The following ATP2B4 variants were observed in gnomAD, a reference collection of about 807,000 sequenced individuals.
The protein encoded by ATP2B4 is ATPase plasma membrane Ca2+ transporting 4, also known as plasma membrane calcium-transporting ATPase 4.
A neutral mutation model predicts 110.3 loss-of-function variants in ATP2B4; 39 were observed. The observed-to-expected ratio is 0.35, with a 90% CI of 0.27 to 0.46. The LOEUF (loss-of-function observed/expected upper bound fraction) is 0.46. Ranked by LOEUF, ATP2B4 falls within the 20% of genes least tolerant of loss-of-function variation. ATP2B4 has a pLI of 1.00. For synonymous variants in ATP2B4, 538 were observed against 571.7 expected (o/e 0.94, Z 0.84); for missense variants, 1,135 against 1,530.9 (o/e 0.74, Z 4.32).
intron 15 of ATP2B4, among the ~76,000 whole-genome samples, chr1:203,717,626 T>TTTTATTTATTTATTTATTTATTTATTTA (rs113515512): frequency 1.4e-5 from 2 of 144,226 alleles, no homozygotes; most frequent in Admixed American, 7.1e-5. Flanking sequence ...ATGGTATTTA[T>TTTTATTTATTTATTTATTTATTTATTTA]TTTATTTATT....
intron 1 of ATP2B4, among the ~76,000 whole-genome samples, chr1:203,661,043 G>A (rs1054230064): frequency 1.3e-5 from 2 of 151,966 alleles, no homozygotes; most frequent in African/African-American, 4.8e-5. Flanking sequence ...CCAGGAAGCA[G>A]AGGTTACAGT....
intron 2 of ATP2B4, among the ~76,000 whole-genome samples, chr1:203,695,905 C>A (rs752969443): frequency 1.3e-5 from 2 of 152,130 alleles, no homozygotes; most frequent in Non-Finnish European, 2.9e-5. Context: ...TAACCCAAAT[C>A]TCTCCTTTTG....
At chr1:203,671,929 C>T (rs1664674714) in intron 1 of ATP2B4, among the ~76,000 whole-genome samples, 1 of 152,268 alleles carries the variant, frequency 6.6e-6, no homozygotes, top group African/African-American at 2.4e-5. Flanking sequence ...CACTGCTACC[C>T]ACAGAGGGGA....
intron 15 of ATP2B4, among the ~76,000 whole-genome samples, chr1:203,717,506 C>T (rs1666190647): frequency 1.3e-5 from 2 of 152,000 alleles, no homozygotes; most frequent in Non-Finnish European, 2.9e-5. Flanking sequence ...GATACAACCC[C>T]AGTTGTTTTT....
intron 1 of ATP2B4, among the ~76,000 whole-genome samples, chr1:203,678,131 A>G (rs1383566207): frequency 2.6e-5 from 4 of 152,182 alleles, no homozygotes; most frequent in Admixed American, 2.6e-4. Flanking sequence ...TATGCATCAC[A>G]TCACATTCAA....
At chr1:203,706,937 C>T (rs1665865468) in intron 8 of ATP2B4, 72 bp from the exon 9 acceptor site, 1 of 1,321,082 alleles carries the variant, frequency 7.6e-7, no homozygotes, top group Non-Finnish European at 1.1e-6. Flanking sequence ...ACAACTGATG[C>T]CAATCTATCT....
At chr1:203,649,595 A>T (rs1663913038) in intron 1 of ATP2B4, among the ~76,000 whole-genome samples, 1 of 151,978 alleles carries the variant, frequency 6.6e-6, no homozygotes, top group East Asian at 1.9e-4. Flanking sequence ...ACATGGGGAA[A>T]CCCCATCTCT....
intron 1 of ATP2B4, among the ~76,000 whole-genome samples, chr1:203,661,206 T>C (rs1366500300): frequency 6.6e-6 from 1 of 152,118 alleles, no homozygotes; most frequent in Non-Finnish European, 1.5e-5. Context: ...TGCACCATAC[T>C]TTAAGAGGTG....
rs140816111 is a variant in ATP2B4, at chr1:203,665,941, G to A, written c.-464-16801G>A. 7.9e-5 allele frequency among the ~76,000 whole-genome samples: 12 copies of A among 152,328 alleles called. No homozygotes were observed. The East Asian group carries it at 1.3e-3, about 17-fold the overall frequency. ...TATGATTATGGGATTCTTGTTTGAT[G>A]TAGTTGGTGGGAAAAGCAGAGGACA... On this transcript the variant is annotated intron_variant, in intron 1 of 20. Transcript: ENST00000357681.
At chr1:203,701,036 GA>G in intron 6 of ATP2B4, 113 bp downstream of exon 6, 1 of 1,372,160 alleles carries the variant, frequency 7.3e-7, no homozygotes, top group Non-Finnish European at 9.7e-7. Context: ...CTGCCATGAA[GA>G]AAGCAGATAT....
chr1:203,717,558 T>C (rs1474666748), intron 15 of ATP2B4, among the ~76,000 whole-genome samples: 1 of 152,058 alleles, frequency 6.6e-6, no homozygotes. Flanking sequence ...CGTTCTTTTT[T>C]ATCCTGGATA....
chr1:203,727,321 G>A (rs1390550059), intron 19 of ATP2B4, 74 bp from the exon 20 acceptor site: 9 of 1,556,720 alleles, frequency 5.8e-6, no homozygotes, highest in Non-Finnish European at 7.9e-6. Context: ...CCAAGGGCCT[G>A]GCTCATGTAA....
At chr1:203,653,706 G>A (rs1438331099) in intron 1 of ATP2B4, among the ~76,000 whole-genome samples, 7 of 151,926 alleles carry the variant, frequency 4.6e-5, no homozygotes, top group Admixed American at 4.6e-4. Flanking sequence ...ACAGGCACCC[G>A]CCACCACGCC....
intron 1 of ATP2B4, among the ~76,000 whole-genome samples, chr1:203,664,171 C>T (rs1370303592): frequency 2.0e-5 from 3 of 152,184 alleles, no homozygotes; most frequent in Non-Finnish European, 2.9e-5. Context: ...TGAACTCTTT[C>T]TGTCTTTTTA....
At position 203,707,040 on chromosome 1, in the gene ATP2B4, C is replaced by A; in HGVS notation, c.1131C>A (p.Ile377=). The change falls in exon 9 of 21, where the codon ATC becomes ATA. Residue 377 remains isoleucine (I), a synonymous_variant. Coordinates refer to ENST00000357681, the MANE Select transcript of ATP2B4 (RefSeq NM_001684.5). ...TCATGTCTGCTCTCACGGTTTTCAT[C>A]CTGATTCTATACTTTGTGATTGACA... ...GLLMSALTVF[I]LILYFVIDNF... The A allele has an allele frequency of 6.2e-7, 1 of 1,614,014 alleles. No individual in the cohort carries two copies. Among genetic ancestry groups the A allele is most frequent in the Non-Finnish European group, 8.5e-7 (1 of 1,179,950 alleles).
Position 203,700,345 on chromosome 1 carries a change from C to G in ATP2B4, c.775+14C>G, listed in dbSNP as rs1400108597. 1 of 1,605,220 alleles carries G rather than the reference C, an allele frequency of 6.2e-7. No individual in the cohort carries two copies. Among genetic ancestry groups the G allele is most frequent in the Non-Finnish European group, 8.5e-7 (1 of 1,175,942 alleles). On this transcript the variant is annotated intron_variant, in intron 5 of 20. Coordinates refer to ENST00000357681, the MANE Select transcript of ATP2B4 (RefSeq NM_001684.5). Reference sequence around the variant, plus strand: ...TGTTGCTCTCAGGTATAGGCCCTGGCTGCCCAAGTTCCCATTTACCTCCCT... The same window carrying G: ...TGTTGCTCTCAGGTATAGGCCCTGGGTGCCCAAGTTCCCATTTACCTCCCT...
At chr1:203,656,846 T>A in intron 1 of ATP2B4, 1 of 366,682 alleles carries the variant, frequency 2.7e-6, no homozygotes. Context: ...ACCATTTTAA[T>A]GTTTACAATG....
chr1:203,672,324 CTTT>C (rs57144862), intron 1 of ATP2B4, among the ~76,000 whole-genome samples: 321 of 79,276 alleles, frequency 4.0e-3, no homozygotes, highest in Middle Eastern at 0.017. Flanking sequence ...TGCGGTGGCT[CTTT>C]TTTTTTTTTT....
At position 203,739,807 on chromosome 1, in the gene ATP2B4, C is replaced by T; in HGVS notation, c.3571C>T (p.Leu1191Phe). ...NNAVDCNQVQ[L>F]PQSDSSLQSL... ...TGCGGTGGATTGCAACCAAGTGCAG[C>T]TCCCCCAGTCGGACAGCTCTCTACA... Residue 1191 changes from leucine (L) to phenylalanine (F), a missense_variant, in exon 21 of 21, where the codon CTC (leucine) becomes TTC (phenylalanine). Leu to Phe is a conservative substitution (Grantham distance 22). Around this residue, in one of 9 missense-constraint regions of ATP2B4, gnomAD observed 92 missense variants for 82.5 expected, o/e 1.11. Coordinates refer to ENST00000357681, the MANE Select transcript of ATP2B4 (RefSeq NM_001684.5). 6.2e-7 allele frequency: 1 copy of T among 1,614,136 alleles called. No individual in the cohort carries two copies. Among genetic ancestry groups the T allele is most frequent in the Non-Finnish European group, 8.5e-7 (1 of 1,180,022 alleles).
Sources: allele counts gnomAD v4.1 joint callset (sites outside exome capture counted in the v4.1 genomes callset), GRCh38; gene constraint gnomAD v4.1.1; regional missense constraint gnomAD v4.1.1; transcripts MANE v1.5; gene names NCBI Gene and HGNC (gene_info 2026-07-23, HGNC 2026-07-21).